The following PCNT variants were observed in gnomAD, a reference collection of about 807,000 sequenced individuals.
The protein encoded by PCNT is pericentrin.
Under a neutral mutation model 380.4 loss-of-function variants are expected in PCNT, and 319 were observed. That is an observed-to-expected ratio of 0.84 (90% CI 0.77 to 0.92). The LOEUF is 0.92. PCNT is among the 40% of genes least tolerant of loss of function. The pLI is 0.00. For missense variants in PCNT, 4,400 were observed against 4,255.3 expected, an observed-to-expected ratio of 1.03 and a Z score of -0.95; for synonymous variants, 1,845 against 1,735.2, an observed-to-expected ratio of 1.06 and a Z score of -1.57.
rs535767656 is a variant in PCNT at position 46,370,227 on chromosome 21, G to C, written c.3165+3088G>C. ...GGCAGCTGCAGGGGTGGGCATCCGG[G>C]GGGGGGTGTCTTTGGTTGGCCTCCC... On this transcript the variant is annotated intron_variant, in intron 15 of 46. Coordinates refer to ENST00000359568, the MANE Select transcript of PCNT (RefSeq NM_006031.6). Among the ~76,000 whole-genome samples, 57 of 152,006 alleles carry C rather than the reference G, an allele frequency of 3.7e-4. 1 individual carries two copies. The highest frequency in any genetic ancestry group is 6.8e-4 in the African/African-American group (28 of 41,358).
chr21:46,396,766 G>T (rs2086223239), intron 21 of PCNT, among the ~76,000 whole-genome samples: 1 of 152,116 alleles, frequency 6.6e-6, no homozygotes, highest in Non-Finnish European at 1.5e-5. Context: ...ACCATGTCCA[G>T]CTAATTTTGT....
chr21:46,404,240 A>G (rs1030491457), intron 27 of PCNT, among the ~76,000 whole-genome samples: 1 of 152,284 alleles, frequency 6.6e-6, no homozygotes, highest in East Asian at 1.9e-4. Context: ...AAACAACAAC[A>G]ATAACAACAA....
At chr21:46,438,575 C>T (rs886583971) in intron 41 of PCNT, among the ~76,000 whole-genome samples, 1 of 152,082 alleles carries the variant, frequency 6.6e-6, no homozygotes, top group Non-Finnish European at 1.5e-5. Flanking sequence ...ACCCTGACCG[C>T]TACTTGATGT....
At chr21:46,357,224 G>T in intron 13 of PCNT, 33 bp downstream of exon 13, 1 of 1,440,924 alleles carries the variant, frequency 6.9e-7, no homozygotes, top group Non-Finnish European at 9.8e-7. Context: ...AGCGCCTCCC[G>T]CCCGAGTCCT....
intron 17 of PCNT, 68 bp downstream of exon 17, chr21:46,386,051 T>C (rs564648001): frequency 6.3e-7 from 1 of 1,594,888 alleles, no homozygotes; most frequent in African/African-American, 1.3e-5. Flanking sequence ...GCAGATGCCA[T>C]TGGTCCCCAC....
intron 15 of PCNT, among the ~76,000 whole-genome samples, chr21:46,379,272 T>C (rs1318578961): frequency 4.6e-5 from 7 of 151,908 alleles, no homozygotes; most frequent in African/African-American, 1.7e-4. Context: ...CTGGGCTGCG[T>C]GTCGTGAGCC....
At chr21:46,417,184 C>CTTTTTTTT (rs71318076) in intron 30 of PCNT, among the ~76,000 whole-genome samples, 65 of 73,354 alleles carry the variant, frequency 8.9e-4, no homozygotes, top group East Asian at 1.6e-3. Flanking sequence ...GGAATGCTTC[C>CTTTTTTTT]TTTTTTTTTT....
chr21:46,347,337 C>A, intron 5 of PCNT, 120 bp from the exon 6 acceptor site: 1 of 959,246 alleles, frequency 1.0e-6, no homozygotes, highest in Non-Finnish European at 1.7e-6. Context: ...ACACATCCTG[C>A]TAGCCCGTGA....
intron 1 of PCNT, among the ~76,000 whole-genome samples, chr21:46,325,897 G>A (rs1412685674): frequency 1.3e-5 from 2 of 152,182 alleles, no homozygotes; most frequent in Non-Finnish European, 2.9e-5. Context: ...ATGTGAGATT[G>A]ACCTGGCTTA....
At position 46,388,823 on chromosome 21, in the gene PCNT, G is replaced by A. The variant is rs1182826453; in HGVS notation, c.3546G>A (p.Arg1182=). The A allele has an allele frequency of 6.2e-7, 1 of 1,612,824 alleles. No homozygotes were observed. The highest frequency in any genetic ancestry group is 8.5e-7 in the Non-Finnish European group (1 of 1,179,968). ...TLRAAVTLRS[R]IGERVGLCLD... is the part of the protein sequence containing the mutation. Reference sequence around the variant, plus strand: ...GGGCAGCCGTCACCCTGAGGAGCCGGATCGGGGAGCGCGTGGGGCTCTGCC... The same window carrying A: ...GGGCAGCCGTCACCCTGAGGAGCCGAATCGGGGAGCGCGTGGGGCTCTGCC... The change falls in exon 18 of 47, where the codon CGG becomes CGA. Residue 1182 remains arginine, a synonymous_variant. Transcript: ENST00000359568. This position sits in a 1 kb window ranked among gnomAD's most constrained non-coding sequence, Gnocchi z 4.2.
intron 3 of PCNT, among the ~76,000 whole-genome samples, chr21:46,344,037 C>G (rs2083987727): frequency 2.0e-5 from 3 of 151,074 alleles, no homozygotes; most frequent in Admixed American, 2.0e-4. Flanking sequence ...CACTAATGAT[C>G]TATCAGTTTT....
intron 40 of PCNT, among the ~76,000 whole-genome samples, chr21:46,437,515 G>A (rs77464544): frequency 0.047 from 7,195 of 152,308 alleles, 222 homozygotes; most frequent in Non-Finnish European, 0.064. Flanking sequence ...CAGCCTGCTG[G>A]CTTTGTGTTT....
At chr21:46,358,865 A>G (rs960993961) in intron 13 of PCNT, among the ~76,000 whole-genome samples, 10 of 151,696 alleles carry the variant, frequency 6.6e-5, no homozygotes, top group African/African-American at 2.4e-4. Context: ...CGGTGGCGCA[A>G]TCTCAGCTCA....
intron 12 of PCNT, among the ~76,000 whole-genome samples, chr21:46,356,517 T>G (rs2084484228): frequency 6.6e-6 from 1 of 152,214 alleles, no homozygotes; most frequent in Non-Finnish European, 1.5e-5. Flanking sequence ...GTAGCGTGCC[T>G]GGGCACAGAA....
At position 46,402,348 on chromosome 21, in the gene PCNT, A is replaced by G. The variant is rs752025247; in HGVS notation, c.4980A>G (p.Glu1660=). Residue 1660 remains glutamate (E), a synonymous_variant, in exon 27 of 47, where the codon GAA becomes GAG. Transcript: ENST00000359568. ...RRESEVLDLK[E]QLEKMKGDLE... Reference sequence around the variant, plus strand: ...AATGAAAGGTTTTGGACTTAAAAGAACAGCTAGAAAAGATGAAAGGTGACT... The same window carrying G: ...AATGAAAGGTTTTGGACTTAAAAGAGCAGCTAGAAAAGATGAAAGGTGACT... The G allele has an allele frequency of 1.6e-5, 25 of 1,607,100 alleles. No homozygotes were observed. The highest frequency in any genetic ancestry group is 2.0e-5 in the Non-Finnish European group (24 of 1,173,756).
rs141359333 is a variant in PCNT, at chr21:46,378,978, G to A, written c.3166-2716G>A. On this transcript the variant is annotated intron_variant, in intron 15 of 46. Coordinates refer to ENST00000359568, the MANE Select transcript of PCNT (RefSeq NM_006031.6). Reference sequence around the variant, plus strand: ...TTTTGTCTCCTGTTTTCTCTGTGTCGTTACCTGCACTACTGCTGCTCGTTT... The same window carrying A: ...TTTTGTCTCCTGTTTTCTCTGTGTCATTACCTGCACTACTGCTGCTCGTTT... Among the ~76,000 whole-genome samples the A allele has an allele frequency of 3.5e-4, 54 of 152,222 alleles. 1 individual carries two copies. In the East Asian group the frequency reaches 8.9e-3, roughly 25 times the overall value.
intron 8 of PCNT, among the ~76,000 whole-genome samples, chr21:46,350,962 T>G (rs141110279): frequency 6.6e-6 from 1 of 152,210 alleles, no homozygotes; most frequent in Non-Finnish European, 1.5e-5. Flanking sequence ...CAGAAAAGTT[T>G]AGTGTCACGG....
intron 21 of PCNT, among the ~76,000 whole-genome samples, chr21:46,395,079 C>T (rs1487894947): frequency 6.6e-6 from 1 of 152,354 alleles, no homozygotes; most frequent in Admixed American, 6.5e-5. Flanking sequence ...CCTCGCCGCA[C>T]GTCTCAGGTT....
chr21:46,370,583 G>T (rs2085086379), intron 15 of PCNT, among the ~76,000 whole-genome samples: 1 of 152,108 alleles, frequency 6.6e-6, no homozygotes, highest in Non-Finnish European at 1.5e-5. Flanking sequence ...GGCTTGTGTA[G>T]ACACAGAAGC....
Sources: gnomAD v4.1 joint callset for allele counts (sites outside exome capture counted in the v4.1 genomes callset) on GRCh38, gnomAD v4.1.1 for gene constraint, Gnocchi (gnomAD v3.1) non-coding constraint, MANE v1.5 for transcripts, NCBI Gene and HGNC (gene_info 2026-07-23, HGNC 2026-07-21) for gene names.